PUS10: variants seen among roughly 807,000 people sequenced by gnomAD.
PUS10 encodes the protein pseudouridine synthase 10, also known as tRNA pseudouridine synthase Pus10.
PUS10 carries 59 observed loss-of-function variants against 75.0 expected under a neutral mutation model. The ratio of observed to expected loss-of-function variants is 0.79; its 90% CI spans 0.64 to 0.98. The LOEUF is 0.98. Among genes scored for constraint, PUS10 ranks in the 50% least tolerant of loss-of-function variants. The pLI, the probability that PUS10 is intolerant of heterozygous loss-of-function variation, is 0.00. For missense variants in PUS10, 650 were observed against 614.4 expected, an observed-to-expected ratio of 1.06 and a Z score of -0.61; for synonymous variants, 219 against 211.6, an observed-to-expected ratio of 1.03 and a Z score of -0.30.
intron 2 of PUS10, among the ~76,000 whole-genome samples, chr2:61,011,054 G>A (rs527501030): frequency 6.6e-6 from 1 of 152,040 alleles, no homozygotes; most frequent in Admixed American, 6.5e-5. Flanking sequence ...ACTAACTCCT[G>A]GACAATTTTT....
At chr2:60,983,107 G>A in intron 4 of PUS10, among the ~76,000 whole-genome samples, 1 of 152,046 alleles carries the variant, frequency 6.6e-6, no homozygotes, top group Non-Finnish European at 1.5e-5. Context: ...TGACCATGCT[G>A]GTTTCAAAAT....
At chr2:61,015,685 C>T (rs1040820511) in intron 1 of PUS10, among the ~76,000 whole-genome samples, 1 of 152,168 alleles carries the variant, frequency 6.6e-6, no homozygotes, top group South Asian at 2.1e-4. Flanking sequence ...GGCAACAGAG[C>T]GAGACTCCAT....
intron 4 of PUS10, 120 bp from the exon 5 acceptor site, chr2:60,971,677 T>C: frequency 1.1e-6 from 1 of 891,444 alleles, no homozygotes. Flanking sequence ...CCTTTTTAGG[T>C]GACGAGTTAG....
At chr2:60,985,237 T>C (rs1677644041) in intron 4 of PUS10, among the ~76,000 whole-genome samples, 1 of 152,126 alleles carries the variant, frequency 6.6e-6, no homozygotes, top group Non-Finnish European at 1.5e-5. Flanking sequence ...AAGTGTTACA[T>C]AGTATATTTG....
intron 3 of PUS10, among the ~76,000 whole-genome samples, chr2:61,007,059 C>A (rs55814385): frequency 0.065 from 9,941 of 152,152 alleles, 1,102 homozygotes; most frequent in African/African-American, 0.23. Context: ...TAGAAATGAA[C>A]TTTTCTGTAA....
At chr2:60,971,463 T>G in intron 5 of PUS10, 60 bp downstream of exon 5, 1 of 1,475,590 alleles carries the variant, frequency 6.8e-7, no homozygotes, top group Non-Finnish European at 9.5e-7. Flanking sequence ...TAAAAGTGCT[T>G]TAAGAACCAG....
intron 11 of PUS10, among the ~76,000 whole-genome samples, chr2:60,957,068 G>C (rs1384518878): frequency 1.3e-5 from 2 of 150,800 alleles, no homozygotes; most frequent in East Asian, 3.9e-4. Flanking sequence ...TCCAGAGTGA[G>C]AGAAACCTGG....
chr2:60,971,952 C>T (rs1676700079), intron 4 of PUS10, among the ~76,000 whole-genome samples: 2 of 146,354 alleles, frequency 1.4e-5, no homozygotes, highest in South Asian at 2.2e-4. Flanking sequence ...CTCACTGCAA[C>T]CTCTGCTTCC....
rs776513353 is a variant in PUS10, at chr2:60,943,397, A to G, written c.1552-964T>C. Reference sequence around the variant, plus strand: ...CTTTGAGTCAGAATGAAATTACAGTAAACAGACTATTTGTCTCCACATAAA... The same window carrying G: ...CTTTGAGTCAGAATGAAATTACAGTGAACAGACTATTTGTCTCCACATAAA... On this transcript the variant is annotated intron_variant, in intron 17 of 17. Transcript: ENST00000316752. Among the ~76,000 whole-genome samples, 4 of 152,040 alleles carry G rather than the reference A, an allele frequency of 2.6e-5. No homozygotes were observed. In the South Asian group the frequency reaches 6.2e-4, roughly 24 times the overall value.
At chr2:60,972,053 G>A (rs1676708757) in intron 4 of PUS10, among the ~76,000 whole-genome samples, 1 of 149,126 alleles carries the variant, frequency 6.7e-6, no homozygotes, top group Non-Finnish European at 1.5e-5. Context: ...GTTTTTAGTA[G>A]AGACGGGTTT....
chr2:61,001,104 T>C (rs1048553566), intron 4 of PUS10, among the ~76,000 whole-genome samples: 6 of 152,226 alleles, frequency 3.9e-5, no homozygotes, highest in Non-Finnish European at 8.8e-5. Context: ...GCTTTCTCTA[T>C]ATCATGCATC....
intron 4 of PUS10, among the ~76,000 whole-genome samples, chr2:60,989,742 C>T (rs146980805): frequency 0.011 from 1,729 of 152,198 alleles, 35 homozygotes; most frequent in African/African-American, 0.039. Context: ...CCTCAGCCTC[C>T]CAAGTAGCTG....
At chr2:60,956,179 C>T (rs930627271) in intron 11 of PUS10, among the ~76,000 whole-genome samples, 1 of 152,100 alleles carries the variant, frequency 6.6e-6, no homozygotes, top group African/African-American at 2.4e-5. Flanking sequence ...CTGTGAACCA[C>T]TAAGTCCCAA....
rs1353034813 is a variant in PUS10, at chr2:60,948,253, C to G, written c.1309-68G>C. 5 of 1,481,390 alleles carry G rather than the reference C, an allele frequency of 3.4e-6. No homozygotes were observed. The African/African-American group carries it at 6.9e-5, about 20-fold the overall frequency. The allele number at this position is 1,481,390 out of a possible 1,614,324, so 91.8% of individuals were successfully genotyped here. A position where few individuals can be genotyped will look rare whatever the true frequency, so the allele number is the denominator to read the frequency against. On this transcript the variant is annotated intron_variant, in intron 15 of 17. Coordinates refer to ENST00000316752, the MANE Select transcript of PUS10 (RefSeq NM_144709.4). Reference sequence around the variant, plus strand: ...CCACCCAGTGAATCCTGTCTTAGCCCTTCCCTCACCATCCATAGCTCACCA... The same window carrying G: ...CCACCCAGTGAATCCTGTCTTAGCCGTTCCCTCACCATCCATAGCTCACCA...
intron 3 of PUS10, among the ~76,000 whole-genome samples, chr2:61,007,700 C>T (rs1271512562): frequency 2.2e-4 from 30 of 136,404 alleles, no homozygotes; most frequent in African/African-American, 7.5e-4. Flanking sequence ...ACCTGGGAGG[C>T]GGAGGTTGTA....
intron 4 of PUS10, among the ~76,000 whole-genome samples, chr2:60,976,565 T>C (rs1412034056): frequency 6.6e-6 from 1 of 152,240 alleles, no homozygotes; most frequent in African/African-American, 2.4e-5. Flanking sequence ...GGAAACCAGG[T>C]AACCATGTGT....
chr2:60,950,608 G>A (rs544775723), intron 15 of PUS10, among the ~76,000 whole-genome samples: 5 of 152,168 alleles, frequency 3.3e-5, no homozygotes, highest in East Asian at 1.9e-4. Context: ...CAGTAGATAC[G>A]GGGTTTCACC....
chr2:60,992,180 T>C (rs906957811), intron 4 of PUS10, among the ~76,000 whole-genome samples: 2 of 152,038 alleles, frequency 1.3e-5, no homozygotes, highest in Non-Finnish European at 2.9e-5. Flanking sequence ...CCAGCTAATT[T>C]TTACATTACA....
At chr2:60,954,027 G>A in intron 13 of PUS10, 39 bp from the exon 14 acceptor site, 1 of 1,606,320 alleles carries the variant, frequency 6.2e-7, no homozygotes. Flanking sequence ...AGCAAGTCTA[G>A]CTCAGTTACA....
Sources: gnomAD v4.1 joint callset for allele counts (sites outside exome capture counted in the v4.1 genomes callset) on GRCh38, gnomAD v4.1.1 for gene constraint, MANE v1.5 for transcripts, NCBI Gene and HGNC (gene_info 2026-07-23, HGNC 2026-07-21) for gene names.